The following SEMA5A variants were observed in gnomAD, a reference collection of about 807,000 sequenced individuals.
SEMA5A encodes the protein semaphorin-5A.
Under a neutral mutation model 135.5 loss-of-function variants are expected in SEMA5A, and 55 were observed. The observed-to-expected ratio is 0.41, with a 90% confidence interval of 0.33 to 0.51. The LOEUF is 0.51. Ranked by LOEUF, SEMA5A falls within the 20% of genes least tolerant of loss-of-function variation. SEMA5A has a pLI of 0.37. For missense variants in SEMA5A, 1,290 were observed against 1,419.9 expected (o/e 0.91, Z 1.47); for synonymous variants, 580 against 546.5 (o/e 1.06, Z -0.85).
At chr5:9,369,539 A>C (rs1488731883) in intron 3 of SEMA5A, among the ~76,000 whole-genome samples, 1 of 152,166 alleles carries the variant, frequency 6.6e-6, no homozygotes, top group African/African-American at 2.4e-5. Context: ...AGCAATATTT[A>C]GAGTTTACTT....
chr5:9,492,044 C>T (rs1360188513), intron 1 of SEMA5A, among the ~76,000 whole-genome samples: 1 of 152,170 alleles, frequency 6.6e-6, no homozygotes, highest in African/African-American at 2.4e-5. Context: ...AAAGTTCATT[C>T]CTTCACCCAA....
rs144176168 is a variant in SEMA5A, at chr5:9,097,088, A to C, written c.2073+11052T>G. On this transcript the variant is annotated intron_variant, in intron 16 of 22. Coordinates refer to ENST00000382496, the MANE Select transcript of SEMA5A (RefSeq NM_003966.3). ...AATATACACGATAAAATTTACTTTA[A>C]AAAGAGGGGGGAAAAAGCATACTGT... Among the ~76,000 whole-genome samples the C allele has an allele frequency of 2.0e-5, 3 of 152,278 alleles. No individual in the cohort carries two copies. The East Asian group carries it at 5.8e-4, about 29-fold the overall frequency.
chr5:9,520,448 T>C (rs1441898683), intron 1 of SEMA5A, among the ~76,000 whole-genome samples: 2 of 151,504 alleles, frequency 1.3e-5, no homozygotes, highest in Non-Finnish European at 2.9e-5. Context: ...GACAGGGCAC[T>C]GGGGCGGAGT....
chr5:9,143,858 A>G (rs977082017), intron 12 of SEMA5A, among the ~76,000 whole-genome samples: 4 of 151,986 alleles, frequency 2.6e-5, no homozygotes, highest in Non-Finnish European at 4.4e-5. Flanking sequence ...GAACAAATAT[A>G]AAGTCTTTCT....
At chr5:9,538,272 G>T (rs1236530368) in intron 1 of SEMA5A, among the ~76,000 whole-genome samples, 1 of 151,774 alleles carries the variant, frequency 6.6e-6, no homozygotes, top group African/African-American at 2.4e-5. Context: ...TAAGAGCGGG[G>T]CGGGGGGAGG....
intron 1 of SEMA5A, among the ~76,000 whole-genome samples, chr5:9,511,019 G>A (rs1387766475): frequency 1.3e-5 from 2 of 152,192 alleles, no homozygotes; most frequent in African/African-American, 4.8e-5. Flanking sequence ...ATCTGTGGCC[G>A]TGAGTATCAC....
chr5:9,503,969 C>T lies in SEMA5A; in HGVS notation c.-175+41615G>A, dbSNP rs1163897691. 2.6e-5 allele frequency among the ~76,000 whole-genome samples: 4 copies of T among 152,128 alleles called. No homozygotes were observed. In the South Asian group the frequency reaches 6.2e-4, roughly 24 times the overall value. ...CGGTGGCTCATGCCTGTAATCCCAG[C>T]ACTTTGGGAGGCCGAGGCGGGCAGA... On this transcript the variant is annotated intron_variant, in intron 1 of 22. Transcript: ENST00000382496.
chr5:9,193,726 C>T (rs562450429), intron 10 of SEMA5A, among the ~76,000 whole-genome samples: 10 of 152,160 alleles, frequency 6.6e-5, no homozygotes, highest in South Asian at 4.1e-4. Flanking sequence ...GGTGAAACCT[C>T]GTCTGTACTA....
At position 9,154,684 on chromosome 5, in the gene SEMA5A, T is replaced by C; in HGVS notation, c.1285A>G (p.Ile429Val). The change falls in exon 12 of 23, where the codon ATT becomes GTT. Residue 429 changes from isoleucine to valine, a missense_variant. Physicochemically the swap from Ile to Val is conservative, Grantham distance 29. This residue lies in a region of SEMA5A where 1,029 missense variants were observed against 1,086.6 expected (regional missense o/e 0.95). Coordinates refer to ENST00000382496, the MANE Select transcript of SEMA5A (RefSeq NM_003966.3). The stretch of plus-strand genomic sequence containing the variant: ...TTCAGGGGTACCCGCACTTTCTTAA[T>C]GGTTCCGTAATCTATGAAGGTCACA... ...IIYLATDYGTIKKVRVPLNQT... is the reference protein window; with the variant it reads ...IIYLATDYGTVKKVRVPLNQT... 1 of 1,613,920 alleles carries C rather than the reference T, an allele frequency of 6.2e-7. No homozygotes were observed. The highest frequency in any genetic ancestry group is 1.1e-5 in the South Asian group (1 of 91,080).
At chr5:9,296,902 CAAAAAA>C (rs34923583) in intron 5 of SEMA5A, among the ~76,000 whole-genome samples, 1 of 134,678 alleles carries the variant, frequency 7.4e-6, no homozygotes, top group Non-Finnish European at 1.6e-5. Flanking sequence ...ACTGTGATCT[CAAAAAA>C]AAAAAAAAAA....
At chr5:9,144,603 C>A (rs957571253) in intron 12 of SEMA5A, among the ~76,000 whole-genome samples, 2 of 152,270 alleles carry the variant, frequency 1.3e-5, no homozygotes, top group East Asian at 3.9e-4. Flanking sequence ...GCTGGGCAGC[C>A]GGTGACAGTG....
At chr5:9,384,639 GATAGATAGATAGATAGATAGAT>G (rs1561208053) in intron 2 of SEMA5A, among the ~76,000 whole-genome samples, 9 of 94,126 alleles carry the variant, frequency 9.6e-5, no homozygotes, top group African/African-American at 2.1e-4. Flanking sequence ...TAGATAGATA[GATAGATAGATAGATAGATAGAT>G]ATAGATAGAT....
At chr5:9,320,416 A>G (rs571226925) in intron 4 of SEMA5A, among the ~76,000 whole-genome samples, 38 of 152,314 alleles carry the variant, frequency 2.5e-4, no homozygotes, top group Middle Eastern at 3.4e-3. Flanking sequence ...TAGGACTCCA[A>G]CAGAAATGTC....
intron 11 of SEMA5A, among the ~76,000 whole-genome samples, chr5:9,158,924 AC>A (rs1743101333): frequency 6.7e-6 from 1 of 150,156 alleles, no homozygotes; most frequent in Admixed American, 6.7e-5. Flanking sequence ...TTCTAGGGTT[AC>A]CAGATTAAAT....
chr5:9,483,168 C>T (rs1759940853), intron 1 of SEMA5A, among the ~76,000 whole-genome samples: 1 of 152,144 alleles, frequency 6.6e-6, no homozygotes, highest in Admixed American at 6.6e-5. Context: ...CATTCTCCTT[C>T]TACCACTCCC....
At chr5:9,140,358 A>G (rs553687682) in intron 12 of SEMA5A, among the ~76,000 whole-genome samples, 1 of 152,340 alleles carries the variant, frequency 6.6e-6, no homozygotes, top group East Asian at 1.9e-4. Context: ...AACTATCACA[A>G]CCAATGACTA....
intron 17 of SEMA5A, among the ~76,000 whole-genome samples, chr5:9,064,674 C>T (rs1561117265): frequency 6.6e-6 from 1 of 152,068 alleles, no homozygotes; most frequent in Non-Finnish European, 1.5e-5. Context: ...GGAGGTTGAG[C>T]CATGATTACA....
intron 1 of SEMA5A, among the ~76,000 whole-genome samples, chr5:9,454,059 T>G (rs1315303922): frequency 6.6e-6 from 1 of 152,204 alleles, no homozygotes; most frequent in African/African-American, 2.4e-5. Context: ...GAGCCACTGG[T>G]GCCTGACTGT....
At chr5:9,318,997 G>C (rs1380114067) in intron 4 of SEMA5A, among the ~76,000 whole-genome samples, 2 of 152,124 alleles carry the variant, frequency 1.3e-5, no homozygotes, top group African/African-American at 2.4e-5. Flanking sequence ...CTGAGAGGCA[G>C]AGGTTGCCAG....
Sources: gnomAD v4.1 joint callset for allele counts (sites outside exome capture counted in the v4.1 genomes callset) on GRCh38, gnomAD v4.1.1 for gene constraint, gnomAD v4.1.1 regional missense constraint, MANE v1.5 for transcripts, NCBI Gene and HGNC (gene_info 2026-07-23, HGNC 2026-07-21) for gene names.